Variants in CD300C observed in about 807,000 individuals in gnomAD.
The protein encoded by CD300C is CMRF35-like molecule 6.
Under a neutral mutation model 18.4 loss-of-function variants are expected in CD300C, and 11 were observed. That is an observed-to-expected ratio of 0.60 (90% CI 0.38 to 0.99). The LOEUF (loss-of-function observed/expected upper bound fraction) is 0.99, where lower values mean the gene tolerates loss of function less well. Ranked by LOEUF, CD300C falls within the 50% of genes least tolerant of loss-of-function variation. The pLI, the probability that CD300C is intolerant of heterozygous loss-of-function variation, is 0.01. For synonymous variants in CD300C, 116 were observed against 116.3 expected (o/e 1.00, Z 0.02); for missense variants, 277 against 287.4 (o/e 0.96, Z 0.26).
chr17:74,542,639 C>T (rs1213263005), intron 3 of CD300C, among the ~76,000 whole-genome samples: 6 of 152,364 alleles, frequency 3.9e-5, no homozygotes, highest in Admixed American at 1.3e-4. Context: ...CGTGAATCCA[C>T]GCAGTAGAAC....
chr17:74,542,967 T>C lies in CD300C; in HGVS notation c.421A>G (p.Ser141Gly). 1 of 1,613,704 alleles carries C rather than the reference T, an allele frequency of 6.2e-7. No individual in the cohort carries two copies. Among genetic ancestry groups the C allele is most frequent in the Non-Finnish European group, 8.5e-7 (1 of 1,180,022 alleles). ...GAGGTGCCCATGGAGCTCTGGGGGC[T>C]GGAGGCTGTGGTCGTCCCGGCTGTG... Reference protein sequence around the residue: ...VFPAGTTTASSPQSSMGTSGP... With the variant: ...VFPAGTTTASGPQSSMGTSGP... Residue 141 changes from serine to glycine, a missense_variant, in exon 3 of 4, where the codon AGC (serine) becomes GGC (glycine). Physicochemically the swap from Ser to Gly is moderately conservative, Grantham distance 56. Transcript: ENST00000330793.
Position 74,541,684 on chromosome 17 carries a change from G to A in CD300C, c.580C>T (p.Leu194=), listed in dbSNP as rs769733808. ...ACGGCACCCAGCATGCTCAGGAGCA[G>A]GGGCAGCTCCAAGAGGACCAGGAGC... ...FLLLVLLELP[L]LLSMLGAVLW... Residue 194 remains leucine, a synonymous_variant, in exon 4 of 4, where the codon CTG becomes TTG. Transcript: ENST00000330793. 2.5e-6 allele frequency: 4 copies of A among 1,613,816 alleles called. No homozygotes were observed. Among genetic ancestry groups the A allele is most frequent in the Non-Finnish European group, 3.4e-6 (4 of 1,179,710 alleles).
Position 74,546,024 on chromosome 17 carries a change from G to C in CD300C, c.-242C>G, listed in dbSNP as rs73359959. 6.6e-4 allele frequency: 326 copies of C among 493,936 alleles called. No homozygotes were observed. The highest frequency in any genetic ancestry group is 5.7e-3 in the African/African-American group (293 of 51,682). 30.6% of individuals were successfully genotyped at this position (493,936 alleles called of 1,614,324 possible). A position where few individuals can be genotyped will look rare whatever the true frequency, so the allele number is the denominator to read the frequency against. ...GGTGCTAGTGGCTCCTCTCAACCCT[G>C]ACGTCTGGCAAAGTCCAGGGTCCCT... On this transcript the variant is annotated 5_prime_UTR_variant, in exon 1 of 4. Coordinates refer to ENST00000330793, the MANE Select transcript of CD300C (RefSeq NM_006678.5).
intron 3 of CD300C, among the ~76,000 whole-genome samples, chr17:74,542,536 C>T (rs945147406): frequency 2.0e-5 from 3 of 152,270 alleles, no homozygotes; most frequent in African/African-American, 7.2e-5. Flanking sequence ...CCTGCACACG[C>T]TCTCCCCAAA....
intron 3 of CD300C, 85 bp downstream of exon 3, chr17:74,542,776 G>T (rs1383087407): frequency 2.7e-6 from 4 of 1,467,142 alleles, no homozygotes; most frequent in Non-Finnish European, 3.7e-6. Context: ...GAAGGGACTG[G>T]AAGAAGGGAC....
rs1358480556 is a variant in CD300C, at chr17:74,542,882, G to A, written c.506C>T (p.Pro169Leu). 1.9e-6 allele frequency: 3 copies of A among 1,608,990 alleles called. No individual in the cohort carries two copies. Among genetic ancestry groups the A allele is most frequent in the Non-Finnish European group, 8.5e-7 (1 of 1,179,982 alleles). Reference sequence around the variant, plus strand: ...TTACCCAGGGTGTGGGCTGGGTTCGGGGCTGTCCTTTCTGGTCACGCTGGG... The same window carrying A: ...TTACCCAGGGTGTGGGCTGGGTTCGAGGCTGTCCTTTCTGGTCACGCTGGG... ...TWPSVTRKDS[P>L]EPSPHPGSLF... Residue 169 changes from proline (P) to leucine (L), a missense_variant, in exon 3 of 4, where the codon CCC becomes CTC. Transcript: ENST00000330793.
At chr17:74,543,299 GAT>G (rs1400218354) in intron 2 of CD300C, among the ~76,000 whole-genome samples, 1 of 152,256 alleles carries the variant, frequency 6.6e-6, no homozygotes, top group African/African-American at 2.4e-5. Flanking sequence ...GGAATGGGGT[GAT>G]GTTTACTCTG....
chr17:74,542,543 C>G (rs1393039243), intron 3 of CD300C, among the ~76,000 whole-genome samples: 1 of 152,260 alleles, frequency 6.6e-6, no homozygotes, highest in Admixed American at 6.5e-5. Flanking sequence ...ACGCTCTCCC[C>G]AAACCCAAGA....
At chr17:74,537,033 A>G (rs1274019186), downstream of CD300C, among the ~76,000 whole-genome samples, 2 of 150,082 alleles carry the variant, frequency 1.3e-5, no homozygotes, top group Non-Finnish European at 2.9e-5. Context: ...AGGAGGAAAA[A>G]AAGAGGGAGG....
chr17:74,545,407 C>T (rs1362499543), intron 1 of CD300C, among the ~76,000 whole-genome samples: 6 of 151,042 alleles, frequency 4.0e-5, no homozygotes, highest in South Asian at 2.1e-4. Context: ...ACCGTGTGTG[C>T]GTGTGAGTGT....
chr17:74,536,620 T>A (rs1486662063), downstream of CD300C, among the ~76,000 whole-genome samples: 1 of 151,090 alleles, frequency 6.6e-6, no homozygotes, highest in Non-Finnish European at 1.5e-5. Context: ...AAAATTCAGA[T>A]AACCAAAAAA....
chr17:74,539,686 G>T (rs2174303), downstream of CD300C, among the ~76,000 whole-genome samples: 10 of 152,096 alleles, frequency 6.6e-5, no homozygotes, highest in African/African-American at 2.4e-4. Context: ...CTCCCGACTC[G>T]GGTCTTTGTC....
In CD300C at chr17:74,544,709, G is replaced by A. The variant is rs374478609; in HGVS notation, c.300C>T (p.Leu100=). Residue 100 remains leucine (L), a synonymous_variant, in exon 2 of 4, where the codon CTC becomes CTT. Coordinates refer to ENST00000330793, the MANE Select transcript of CD300C (RefSeq NM_006678.5). Reference sequence around the variant, plus strand: ...AGTAGGTGCCTGCGTCCTCCTCTGTGAGATTCTCCAGGGTCACTGTGAAGC... The same window carrying A: ...AGTAGGTGCCTGCGTCCTCCTCTGTAAGATTCTCCAGGGTCACTGTGAAGC... The part of the protein sequence containing the change: ...NLSFTVTLEN[L]TEEDAGTYWC... 3 of 1,614,244 alleles carry A rather than the reference G, an allele frequency of 1.9e-6. No homozygotes were observed. Among genetic ancestry groups the A allele is most frequent in the Non-Finnish European group, 8.5e-7 (1 of 1,180,044 alleles).
chr17:74,542,394 C>T (rs1477614454), intron 3 of CD300C, among the ~76,000 whole-genome samples: 2 of 152,164 alleles, frequency 1.3e-5, no homozygotes, highest in African/African-American at 4.8e-5. Context: ...TGCCTCACTC[C>T]TCCCTCCACC....
At chr17:74,534,893 C>A in the CD300C span, among the ~76,000 whole-genome samples, 3 of 152,312 alleles carry the variant, frequency 2.0e-5, no homozygotes, top group East Asian at 3.9e-4. Flanking sequence ...ATGGCAAAAT[C>A]TTTCCTTTAG....
Position 74,545,093 on chromosome 17 carries a change from G to A in CD300C, c.62-146C>T, listed in dbSNP as rs1004900301. The A allele has an allele frequency of 7.4e-5, 54 of 729,396 alleles. No homozygotes were observed. The Middle Eastern group carries it at 2.6e-3, about 35-fold the overall frequency. The allele number at this position is 729,396 out of a possible 1,614,324, so 45.2% of individuals were successfully genotyped here. On this transcript the variant is annotated intron_variant, in intron 1 of 3. Transcript: ENST00000330793. ...TGTCCACCCAGGAACAGGGACTGAG[G>A]GTGGGAGGCTCCCTCTGTGCAGAGG... is the stretch of plus-strand genomic sequence containing the variant.
Position 74,546,040 on chromosome 17 carries a change from C to T in CD300C, c.-258G>A. On this transcript the variant is annotated 5_prime_UTR_variant, in exon 1 of 4. Coordinates refer to ENST00000330793, the MANE Select transcript of CD300C (RefSeq NM_006678.5). ...CTCAACCCTGACGTCTGGCAAAGTC[C>T]AGGGTCCCTTGGGTGGCGATGCAGC... The T allele has an allele frequency of 2.1e-6, 1 of 467,264 alleles. No individual in the cohort carries two copies. The highest frequency in any genetic ancestry group is 3.6e-5 in the East Asian group (1 of 27,604). The allele number at this position is 467,264 out of a possible 1,614,324, so 28.9% of individuals were successfully genotyped here. A position where few individuals can be genotyped will look rare whatever the true frequency, so the allele number is the denominator to read the frequency against.
At position 74,544,772 on chromosome 17, in the gene CD300C, A is replaced by G. The variant is rs764163176; in HGVS notation, c.237T>C (p.Asn79=). Residue 79 remains asparagine (N), a synonymous_variant, in exon 2 of 4, where the codon AAT becomes AAC. Transcript: ENST00000330793. ...VETKGSAGKR[N]GRVSIRDSPA... ...GACTGTCCCTGATGGACACTCGGCC[A>G]TTCCTTTTCCCTGCTGACCCTTTGG... 12 of 1,614,116 alleles carry G rather than the reference A, an allele frequency of 7.4e-6. No individual in the cohort carries two copies. Among genetic ancestry groups the G allele is most frequent in the South Asian group, 6.6e-5 (6 of 91,086 alleles).
chr17:74,541,868 A>C, intron 3 of CD300C, 132 bp from the exon 4 acceptor site: 1 of 918,038 alleles, frequency 1.1e-6, no homozygotes, highest in South Asian at 1.7e-5. Flanking sequence ...TGGACAGTCC[A>C]TCCCGTCTCA....
Sources: allele counts gnomAD v4.1 joint callset (sites outside exome capture counted in the v4.1 genomes callset), GRCh38; gene constraint gnomAD v4.1.1; transcripts MANE v1.5; gene names NCBI Gene and HGNC (gene_info 2026-07-23, HGNC 2026-07-21).